The following CACNA1E variants were observed in gnomAD, a reference collection of about 807,000 sequenced individuals.
The protein encoded by CACNA1E is voltage-dependent R-type calcium channel subunit alpha-1E.
In CACNA1E, 40 loss-of-function variants were observed where a neutral mutation model predicts 259.2. That is an observed-to-expected ratio of 0.15 (90% CI 0.12 to 0.20). CACNA1E has a LOEUF of 0.20. Ranked by LOEUF, CACNA1E falls within the 10% of genes least tolerant of loss-of-function variation. The pLI is 1.00. For synonymous variants in CACNA1E, 1,104 were observed against 1,138.5 expected (o/e 0.97, Z 0.61); for missense variants, 1,874 against 3,040.1 (o/e 0.62, Z 9.02).
intron 6 of CACNA1E, among the ~76,000 whole-genome samples, chr1:181,624,203 G>A (rs960736204): frequency 1.2e-4 from 18 of 152,154 alleles, no homozygotes; most frequent in Admixed American, 1.0e-3. Flanking sequence ...AGCTATTCAT[G>A]GGAGATCCAC....
At chr1:181,543,539 G>A (rs909526825) in intron 3 of CACNA1E, among the ~76,000 whole-genome samples, 1 of 152,206 alleles carries the variant, frequency 6.6e-6, no homozygotes, top group Non-Finnish European at 1.5e-5. Flanking sequence ...CCGTAAGAGA[G>A]CTTGCTTCAT....
At chr1:181,644,249 G>A (rs1291041691) in intron 6 of CACNA1E, among the ~76,000 whole-genome samples, 2 of 152,194 alleles carry the variant, frequency 1.3e-5, no homozygotes, top group Non-Finnish European at 2.9e-5. Context: ...AGAGTCAAGG[G>A]TTTGCAAGAA....
At chr1:181,325,342 T>A (rs1012845204) in intron 1 of CACNA1E, among the ~76,000 whole-genome samples, 2 of 152,190 alleles carry the variant, frequency 1.3e-5, no homozygotes, top group African/African-American at 4.8e-5. Context: ...CTCACGGCCC[T>A]TCCCCAGGGC....
intron 12 of CACNA1E, 28 bp downstream of exon 12, chr1:181,718,195 C>T (rs931851223): frequency 3.4e-6 from 4 of 1,181,256 alleles, no homozygotes; most frequent in Admixed American, 1.7e-5. Context: ...TGCCTCTGCT[C>T]CTGCTTCGTG....
rs535465349 is a variant in CACNA1E at position 181,774,641 on chromosome 1, A to G, written c.5140-1460A>G. Reference sequence around the variant, plus strand: ...ACCTCCAGCCATCCATCTCTACTCTAGGCAGCAGGAGAAAAGAAGGAAGAG... The same window carrying G: ...ACCTCCAGCCATCCATCTCTACTCTGGGCAGCAGGAGAAAAGAAGGAAGAG... On this transcript the variant is annotated intron_variant, in intron 37 of 47. Transcript: ENST00000367573. Among the ~76,000 whole-genome samples the G allele has an allele frequency of 2.6e-5, 4 of 152,240 alleles. No homozygotes were observed. The East Asian group carries it at 7.7e-4, about 29-fold the overall frequency.
At chr1:181,698,866 C>T (rs1651961507) in intron 7 of CACNA1E, among the ~76,000 whole-genome samples, 1 of 152,036 alleles carries the variant, frequency 6.6e-6, no homozygotes, top group Non-Finnish European at 1.5e-5. Flanking sequence ...TTAAGAAAGA[C>T]TTCTAAGTAA....
intron 32 of CACNA1E, among the ~76,000 whole-genome samples, chr1:181,760,976 G>C (rs1337832000): frequency 6.6e-6 from 1 of 152,196 alleles, no homozygotes; most frequent in South Asian, 2.1e-4. Context: ...GTTCACCCCA[G>C]GTTGGACAAT....
intron 7 of CACNA1E, among the ~76,000 whole-genome samples, chr1:181,687,305 G>T (rs375329232): frequency 4.6e-5 from 7 of 152,142 alleles, no homozygotes; most frequent in Non-Finnish European, 8.8e-5. Flanking sequence ...TAGGATCTAT[G>T]ACTCTTTATG....
intron 6 of CACNA1E, among the ~76,000 whole-genome samples, chr1:181,600,936 C>A (rs1344337003): frequency 1.3e-5 from 2 of 152,198 alleles, no homozygotes; most frequent in African/African-American, 4.8e-5. Context: ...CTCTGAGAAA[C>A]TACAACTTAA....
chr1:181,493,701 T>G (rs1487217930), intron 1 of CACNA1E, among the ~76,000 whole-genome samples: 1 of 152,230 alleles, frequency 6.6e-6, no homozygotes, highest in Non-Finnish European at 1.5e-5. Flanking sequence ...CTAATGCGAC[T>G]GAGAACTAAA....
intron 7 of CACNA1E, among the ~76,000 whole-genome samples, chr1:181,679,685 T>C (rs1054290899): frequency 1.4e-4 from 22 of 152,192 alleles, no homozygotes; most frequent in African/African-American, 4.8e-4. Context: ...CTGAGATCTT[T>C]GTCCTCCTCC....
Position 181,532,014 on chromosome 1 carries a change from C to T in CACNA1E, c.512+20504C>T, listed in dbSNP as rs547444202. On this transcript the variant is annotated intron_variant, in intron 3 of 47. Coordinates refer to ENST00000367573, the MANE Select transcript of CACNA1E (RefSeq NM_001205293.3). ...GAGGTTGCAGTGAGCCGCCATTGCACCGTTGCACTCCAGCCTGGGCAACAG... is the reference window on the plus strand; with the variant it reads ...GAGGTTGCAGTGAGCCGCCATTGCATCGTTGCACTCCAGCCTGGGCAACAG... Among the ~76,000 whole-genome samples the T allele has an allele frequency of 2.2e-4, 34 of 152,278 alleles. No homozygotes were observed. The East Asian group carries it at 5.4e-3, about 24-fold the overall frequency.
At chr1:181,492,148 A>G (rs549376810) in intron 1 of CACNA1E, among the ~76,000 whole-genome samples, 87 of 152,392 alleles carry the variant, frequency 5.7e-4, no homozygotes, top group African/African-American at 2.0e-3. Flanking sequence ...AAAACAAAAC[A>G]AAAACCAGGG....
At chr1:181,654,508 A>G (rs553303267) in intron 7 of CACNA1E, among the ~76,000 whole-genome samples, 80 of 152,304 alleles carry the variant, frequency 5.3e-4, no homozygotes, top group Non-Finnish European at 8.1e-4. Flanking sequence ...GTTGAGGCAG[A>G]TGCAAGGATG....
chr1:181,348,474 T>G (rs1652788228), intron 1 of CACNA1E, among the ~76,000 whole-genome samples: 1 of 152,132 alleles, frequency 6.6e-6, no homozygotes, highest in Admixed American at 6.5e-5. Flanking sequence ...TATGGTTTGC[T>G]AATGGCAGTT....
chr1:181,501,136 C>T lies in CACNA1E; in HGVS notation c.267-9341C>T, dbSNP rs756636640. Among the ~76,000 whole-genome samples the T allele has an allele frequency of 1.4e-4, 22 of 152,112 alleles. 1 individual carries two copies. The highest frequency in any genetic ancestry group is 5.1e-4 in the African/African-American group (21 of 41,394). ...CTTTTCTTTTTTCCCTTTTCTGTAGCGTTCAATCATTTGTCTGCTGTTCAC... is the reference window on the plus strand; with the variant it reads ...CTTTTCTTTTTTCCCTTTTCTGTAGTGTTCAATCATTTGTCTGCTGTTCAC... On this transcript the variant is annotated intron_variant, in intron 1 of 47. Coordinates refer to ENST00000367573, the MANE Select transcript of CACNA1E (RefSeq NM_001205293.3).
chr1:181,792,382 C>T (rs1214074096), intron 44 of CACNA1E, among the ~76,000 whole-genome samples: 1 of 152,180 alleles, frequency 6.6e-6, no homozygotes, highest in Non-Finnish European at 1.5e-5. Flanking sequence ...GCCCATCCCT[C>T]GGGGCTGCTG....
intron 7 of CACNA1E, among the ~76,000 whole-genome samples, chr1:181,692,628 C>G (rs1383397170): frequency 6.6e-6 from 1 of 152,098 alleles, no homozygotes; most frequent in Non-Finnish European, 1.5e-5. Flanking sequence ...GGACCCTTAC[C>G]TCTCAATATA....
chr1:181,619,423 A>G (rs931095216), intron 6 of CACNA1E, among the ~76,000 whole-genome samples: 3 of 152,122 alleles, frequency 2.0e-5, no homozygotes, highest in Admixed American at 1.3e-4. Flanking sequence ...GAGCTTATCA[A>G]CTAGGGGAGC....
Sources: allele counts gnomAD v4.1 joint callset (sites outside exome capture counted in the v4.1 genomes callset), GRCh38; gene constraint gnomAD v4.1.1; transcripts MANE v1.5; gene names NCBI Gene and HGNC (gene_info 2026-07-23, HGNC 2026-07-21).